Variants in FAT1 observed in about 807,000 individuals in gnomAD.
FAT1 encodes FAT atypical cadherin 1.
A neutral mutation model predicts 329.8 loss-of-function variants in FAT1; 171 were observed. That is an observed-to-expected ratio of 0.52 (90% CI 0.46 to 0.59). The LOEUF is 0.59. FAT1 is among the 20% of genes least tolerant of loss of function. The pLI, the probability that FAT1 is intolerant of heterozygous loss-of-function variation, is 0.00. For synonymous variants in FAT1, 2,233 were observed against 2,228.6 expected (o/e 1.00, Z -0.06); for missense variants, 5,672 against 5,774.4 (o/e 0.98, Z 0.57).
rs778088126 is a variant in FAT1, at chr4:186,618,009, G to T, written c.8577C>A (p.Ser2859=). 3.1e-6 allele frequency: 5 copies of T among 1,613,896 alleles called. No individual in the cohort carries two copies. The South Asian group carries it at 5.5e-5, about 18-fold the overall frequency. ...AGCCTGTTTCCATGTTAATGGCAAA[G>T]GATTCAATGACTTCCACACTTTGTG... ...DQSQSVEVIE[S]FAINMETGWI... is the part of the protein sequence containing the mutation. The change falls in exon 10 of 27, where the codon TCC becomes TCA. Residue 2859 remains serine (S), a synonymous_variant. Transcript: ENST00000441802.
intron 2 of FAT1, among the ~76,000 whole-genome samples, chr4:186,670,775 C>T (rs894771688): frequency 6.6e-6 from 1 of 152,072 alleles, no homozygotes; most frequent in African/African-American, 2.4e-5. Flanking sequence ...AAAATGATAT[C>T]CATTACAGAC....
rs1739789258 is a variant in FAT1 at position 186,617,840 on chromosome 4, G to A, written c.8746C>T (p.Pro2916Ser). ...TTATAGATCTCGGCCGTGAATCGTG[G>A]TGGACTATCGTTGACATCGGTGACG... ...VTVTDVNDSPPRFTAEIYKGT... is the reference protein window; with the variant it reads ...VTVTDVNDSPSRFTAEIYKGT... The change falls in exon 10 of 27, where the codon CCA (proline) becomes TCA (serine). Residue 2916 changes from proline to serine, a missense_variant. By Grantham distance (74) the Pro-to-Ser change is moderately conservative. This residue lies in a region of FAT1 where 3,966 missense variants were observed against 3,915.2 expected (regional missense o/e 1.01). Transcript: ENST00000441802. The A allele has an allele frequency of 3.1e-6, 5 of 1,613,776 alleles. No individual in the cohort carries two copies. The highest frequency in any genetic ancestry group is 4.2e-6 in the Non-Finnish European group (5 of 1,179,884).
rs149665748 is a variant in FAT1, at chr4:186,598,236, A to C, written c.12104-111T>G. On this transcript the variant is annotated intron_variant, in intron 22 of 26. Coordinates refer to ENST00000441802, the MANE Select transcript of FAT1 (RefSeq NM_005245.4). The stretch of plus-strand genomic sequence containing the variant: ...CTCCGAGGTCTGTAAAAGCTCGTAA[A>C]ATTCTCACTCTCTCTGGGAAAAAAG... 1,556 of 1,087,824 alleles carry C rather than the reference A, an allele frequency of 1.4e-3. 2 individuals are homozygous for C. Among genetic ancestry groups the C allele is most frequent in the Non-Finnish European group, 1.8e-3 (1,446 of 793,602 alleles). 67.4% of individuals were successfully genotyped at this position (1,087,824 alleles called of 1,614,324 possible). A position where few individuals can be genotyped will look rare whatever the true frequency, so the allele number is the denominator to read the frequency against.
At chr4:186,594,190 C>G (rs1295498874) in intron 26 of FAT1, among the ~76,000 whole-genome samples, 2 of 151,968 alleles carry the variant, frequency 1.3e-5, no homozygotes, top group East Asian at 3.9e-4. Context: ...CTCAGCCTCC[C>G]CAGTAGCTGG....
chr4:186,679,271 C>T (rs564500510), intron 2 of FAT1, among the ~76,000 whole-genome samples: 1 of 151,674 alleles, frequency 6.6e-6, no homozygotes, highest in Non-Finnish European at 1.5e-5. Flanking sequence ...AAAAAAATTA[C>T]CCGGGCGTGG....
At chr4:186,637,824 C>G (rs1031237504) in intron 4 of FAT1, among the ~76,000 whole-genome samples, 4 of 152,100 alleles carry the variant, frequency 2.6e-5, no homozygotes, top group Non-Finnish European at 1.5e-5. Flanking sequence ...AGTTGTAAAC[C>G]CTGTTTATTA....
intron 2 of FAT1, among the ~76,000 whole-genome samples, chr4:186,692,826 G>A (rs763277911): frequency 2.4e-4 from 37 of 152,134 alleles, no homozygotes; most frequent in Non-Finnish European, 4.1e-4. Flanking sequence ...GCAGGAAGTG[G>A]TGCTAATGAG....
At chr4:186,712,663 C>T (rs1745013373) in intron 1 of FAT1, among the ~76,000 whole-genome samples, 1 of 152,116 alleles carries the variant, frequency 6.6e-6, no homozygotes, top group Non-Finnish European at 1.5e-5. Context: ...AGAGGGAACC[C>T]TAAATCCAAA....
intron 2 of FAT1, among the ~76,000 whole-genome samples, chr4:186,683,747 A>G (rs1383911915): frequency 6.6e-6 from 1 of 152,126 alleles, no homozygotes; most frequent in East Asian, 1.9e-4. Flanking sequence ...CCCTGTGGTC[A>G]TGGACCCATC....
At chr4:186,667,196 T>C (rs1488467167) in intron 2 of FAT1, among the ~76,000 whole-genome samples, 1 of 152,212 alleles carries the variant, frequency 6.6e-6, no homozygotes, top group African/African-American at 2.4e-5. Flanking sequence ...GCCTTATTTC[T>C]AGTTCGGGCC....
At position 186,647,330 on chromosome 4, in the gene FAT1, A is replaced by G. The variant is rs1253853701; in HGVS notation, c.3581-7547T>C. Among the ~76,000 whole-genome samples, 4 of 152,308 alleles carry G rather than the reference A, an allele frequency of 2.6e-5. No homozygotes were observed. The East Asian group carries it at 7.7e-4, about 29-fold the overall frequency. ...GATACTCACAGCAACCCTAGAAGGGAGCTACCAATACACACTACCTTTATT... is the reference window on the plus strand; with the variant it reads ...GATACTCACAGCAACCCTAGAAGGGGGCTACCAATACACACTACCTTTATT... On this transcript the variant is annotated intron_variant, in intron 3 of 26. Transcript: ENST00000441802.
Position 186,707,178 on chromosome 4 carries a change from C to T in FAT1, c.2650G>A (p.Asp884Asn), listed in dbSNP as rs2126686317. The T allele has an allele frequency of 1.9e-6, 3 of 1,613,946 alleles. No homozygotes were observed. Among genetic ancestry groups the T allele is most frequent in the Non-Finnish European group, 2.5e-6 (3 of 1,179,892 alleles). ...TGVVNIARPLDRELQHEHSLK... is the reference protein window; with the variant it reads ...TGVVNIARPLNRELQHEHSLK... ...GAGTGCTCATGCTGCAGCTCTCGAT[C>T]CAGAGGGCGTGCGATGTTAACAACA... Residue 884 changes from aspartate (D) to asparagine (N), a missense_variant, in exon 2 of 27, where the codon GAT becomes AAT. Asp to Asn is a conservative substitution (Grantham distance 23). Transcript: ENST00000441802.
intron 3 of FAT1, among the ~76,000 whole-genome samples, chr4:186,648,685 A>G (rs1282597585): frequency 6.6e-6 from 1 of 152,138 alleles, no homozygotes; most frequent in Non-Finnish European, 1.5e-5. Flanking sequence ...TACCAAGGAA[A>G]GTGTTCAGAA....
intron 21 of FAT1, 93 bp from the exon 22 acceptor site, chr4:186,600,453 G>C (rs1283424741): frequency 2.8e-6 from 3 of 1,069,768 alleles, no homozygotes; most frequent in Non-Finnish European, 4.1e-6. Context: ...CTTAGGGAGT[G>C]AGGGTAGAAG....
intron 13 of FAT1, among the ~76,000 whole-genome samples, chr4:186,612,807 A>C (rs551832839): frequency 2.4e-4 from 36 of 152,356 alleles, no homozygotes; most frequent in African/African-American, 7.5e-4. Context: ...CTCTGTCCTC[A>C]ATGGTTTATT....
rs185231925 is a variant in FAT1 at position 186,645,419 on chromosome 4, A to C, written c.3581-5636T>G. On this transcript the variant is annotated intron_variant, in intron 3 of 26. Coordinates refer to ENST00000441802, the MANE Select transcript of FAT1 (RefSeq NM_005245.4). ...TATATATATATATATATATATATAT[A>C]TATGCCTGTAAAAAACTGAGATATA... Among the ~76,000 whole-genome samples, 273 of 73,312 alleles carry C rather than the reference A, an allele frequency of 3.7e-3. 10 individuals are homozygous for C. Among genetic ancestry groups the C allele is most frequent in the African/African-American group, 0.016 (262 of 16,082 alleles). 48.1% of individuals were successfully genotyped at this position (73,312 alleles called of 152,430 possible). A position where few individuals can be genotyped will look rare whatever the true frequency, so the allele number is the denominator to read the frequency against.
chr4:186,627,707 T>A lies in FAT1; in HGVS notation c.4810+447A>T, dbSNP rs1010503216. ...TTTCTGAGGTTTCAGCCAATTACAA[T>A]GAGATGAGTCAACACTGTTATGGAG... is the stretch of plus-strand genomic sequence containing the variant. On this transcript the variant is annotated intron_variant, in intron 9 of 26. Coordinates refer to ENST00000441802, the MANE Select transcript of FAT1 (RefSeq NM_005245.4). Among the ~76,000 whole-genome samples the A allele has an allele frequency of 9.2e-5, 14 of 152,250 alleles. No homozygotes were observed. The East Asian group carries it at 2.5e-3, about 27-fold the overall frequency.
chr4:186,636,460 G>A (rs1740821086), intron 5 of FAT1, 125 bp downstream of exon 5: 6 of 1,055,274 alleles, frequency 5.7e-6, no homozygotes, highest in Middle Eastern at 2.3e-4. Context: ...TTGCCTAATG[G>A]GGCCAGCAGG....
chr4:186,636,952 A>G, intron 4 of FAT1, 38 bp from the exon 5 acceptor site: 3 of 1,521,154 alleles, frequency 2.0e-6, no homozygotes, highest in Non-Finnish European at 2.7e-6. Context: ...ATGTTAAGAT[A>G]TACTATATAA....
Sources: allele counts gnomAD v4.1 joint callset (sites outside exome capture counted in the v4.1 genomes callset), GRCh38; gene constraint gnomAD v4.1.1; regional missense constraint gnomAD v4.1.1; transcripts MANE v1.5; gene names NCBI Gene and HGNC (gene_info 2026-07-23, HGNC 2026-07-21).